Variants in SSBP3 observed in about 807,000 individuals in gnomAD.
SSBP3 encodes the protein single-stranded DNA-binding protein 3.
SSBP3 carries 5 observed loss-of-function variants against 69.6 expected under a neutral mutation model. The observed-to-expected ratio is 0.07, with a 90% CI of 0.04 to 0.15. The LOEUF (loss-of-function observed/expected upper bound fraction) is 0.15, where lower values mean the gene tolerates loss of function less well. Ranked by LOEUF, SSBP3 falls within the 10% of genes least tolerant of loss-of-function variation. SSBP3 has a pLI of 1.00. For synonymous variants in SSBP3, 196 were observed against 193.4 expected, an observed-to-expected ratio of 1.01 and a Z score of -0.11; for missense variants, 312 against 534.0, an observed-to-expected ratio of 0.58 and a Z score of 4.10.
Position 54,242,312 on chromosome 1 carries a change from G to C in SSBP3, c.717-100C>G, listed in dbSNP as rs1644653840. 3.5e-6 allele frequency: 5 copies of C among 1,410,844 alleles called. No homozygotes were observed. The South Asian group carries it at 3.6e-5, about 10-fold the overall frequency. The allele number at this position is 1,410,844 out of a possible 1,614,324, so 87.4% of individuals were successfully genotyped here. ...GAAGGAAAGGGCTGAAATCACAACA[G>C]GAAGTCCTTCCTACAGCCCTGCGGT... On this transcript the variant is annotated intron_variant, in intron 10 of 17. Coordinates refer to ENST00000610401, the Ensembl canonical transcript of SSBP3.
intron 4 of SSBP3, among the ~76,000 whole-genome samples, chr1:54,309,437 C>CAAA (rs1645959234): frequency 6.6e-6 from 1 of 152,228 alleles, no homozygotes; most frequent in Non-Finnish European, 1.5e-5. Flanking sequence ...CTCTGCGCAG[C>CAAA]AAAGGGAAAT....
At chr1:54,284,269 T>C (rs1424087149) in intron 4 of SSBP3, among the ~76,000 whole-genome samples, 3 of 152,024 alleles carry the variant, frequency 2.0e-5, no homozygotes, top group Non-Finnish European at 4.4e-5. Flanking sequence ...TAAATCTCAG[T>C]GTCTGCTAAT....
chr1:54,265,283 C>T (rs757518574), intron 5 of SSBP3, among the ~76,000 whole-genome samples: 30 of 152,202 alleles, frequency 2.0e-4, no homozygotes, highest in Non-Finnish European at 3.7e-4. Flanking sequence ...CTTGGCATGG[C>T]TTGGAGAGGG....
chr1:54,324,243 G>A (rs972861181), intron 4 of SSBP3, among the ~76,000 whole-genome samples: 2 of 152,190 alleles, frequency 1.3e-5, no homozygotes, highest in Admixed American at 6.5e-5. Context: ...TCTTTCGACA[G>A]TCTTCAGGGC....
chr1:54,341,862 A>AG (rs1557547503), intron 4 of SSBP3, among the ~76,000 whole-genome samples: 1 of 150,264 alleles, frequency 6.7e-6, no homozygotes, highest in Non-Finnish European at 1.5e-5. Flanking sequence ...GGAGAGAGAG[A>AG]GGGGGAGAGA....
chr1:54,370,562 A>G (rs1283904790), intron 4 of SSBP3, among the ~76,000 whole-genome samples: 1 of 152,134 alleles, frequency 6.6e-6, no homozygotes, highest in Non-Finnish European at 1.5e-5. Context: ...CATATACTGG[A>G]CACGTGACTT....
intron 4 of SSBP3, among the ~76,000 whole-genome samples, chr1:54,381,602 C>T (rs927489611): frequency 1.3e-5 from 2 of 152,212 alleles, no homozygotes; most frequent in African/African-American, 2.4e-5. Context: ...ACCCCCACCT[C>T]GGTGGGGCAC....
intron 4 of SSBP3, among the ~76,000 whole-genome samples, chr1:54,313,868 G>C (rs369749871): frequency 6.6e-6 from 1 of 152,046 alleles, no homozygotes; most frequent in Non-Finnish European, 1.5e-5. Flanking sequence ...CCAGGTTCAA[G>C]CGATTCTCCT....
Position 54,261,786 on chromosome 1 carries a change from A to G in SSBP3, c.367-3637T>C, listed in dbSNP as rs1304121548. On this transcript the variant is annotated intron_variant, in intron 5 of 17. Transcript: ENST00000610401. The stretch of plus-strand genomic sequence containing the variant: ...GATGCGGTGGATCAGGGCAGATGGC[A>G]CCCTGAAGGTGTGCAAAATATCAGG... Among the ~76,000 whole-genome samples the G allele has an allele frequency of 3.9e-5, 6 of 152,226 alleles. No individual in the cohort carries two copies. In the East Asian group the frequency reaches 1.2e-3, roughly 29 times the overall value.
At chr1:54,343,349 A>G (rs934010823) in intron 4 of SSBP3, among the ~76,000 whole-genome samples, 2 of 152,212 alleles carry the variant, frequency 1.3e-5, no homozygotes, top group South Asian at 4.1e-4. Context: ...CTCATCTGTG[A>G]ACAGGGGTGG....
chr1:54,243,752 G>C (rs978637105), intron 9 of SSBP3, among the ~76,000 whole-genome samples: 1 of 152,158 alleles, frequency 6.6e-6, no homozygotes, highest in Non-Finnish European at 1.5e-5. Context: ...AAGCCTGCCC[G>C]AGGCTGGTGC....
chr1:54,240,886 T>G lies in SSBP3; in HGVS notation c.856+19A>C, dbSNP rs1208686449. The stretch of plus-strand genomic sequence containing the variant: ...CCCTCCACCACCAGACCCCCCACTT[T>G]CCCCTCAAGCGCTCTTACCTGCGGG... On this transcript the variant is annotated intron_variant, in intron 13 of 17. Coordinates refer to ENST00000610401, the Ensembl canonical transcript of SSBP3. 6.2e-7 allele frequency: 1 copy of G among 1,612,382 alleles called. No homozygotes were observed. Among genetic ancestry groups the G allele is most frequent in the Non-Finnish European group, 8.5e-7 (1 of 1,179,192 alleles).
At chr1:54,351,319 T>A (rs1646777572) in intron 4 of SSBP3, among the ~76,000 whole-genome samples, 1 of 152,212 alleles carries the variant, frequency 6.6e-6, no homozygotes, top group Non-Finnish European at 1.5e-5. Context: ...ACACATAACT[T>A]CTTCTGTTCT....
intron 4 of SSBP3, among the ~76,000 whole-genome samples, chr1:54,332,532 C>G (rs2100461370): frequency 6.6e-6 from 1 of 152,300 alleles, no homozygotes; most frequent in African/African-American, 2.4e-5. Flanking sequence ...TTCCAAACCC[C>G]CCTGGCCCCA....
At chr1:54,309,586 G>C (rs936575555) in intron 4 of SSBP3, among the ~76,000 whole-genome samples, 1 of 152,208 alleles carries the variant, frequency 6.6e-6, no homozygotes, top group Non-Finnish European at 1.5e-5. Context: ...ACGCCAGGCA[G>C]TCAGAAAGTT....
upstream of SSBP3, among the ~76,000 whole-genome samples, chr1:54,408,231 G>A (rs746678027): frequency 1.3e-5 from 2 of 152,162 alleles, no homozygotes; most frequent in African/African-American, 2.4e-5. Flanking sequence ...AGGTTGTTTC[G>A]TGAATGAGGG....
At chr1:54,274,845 C>T (rs1246241415) in intron 5 of SSBP3, among the ~76,000 whole-genome samples, 2 of 152,112 alleles carry the variant, frequency 1.3e-5, no homozygotes, top group Non-Finnish European at 2.9e-5. Flanking sequence ...ATCCCCACAC[C>T]CCAGCCTGCA....
At chr1:54,240,069 T>C (rs1040378615) in intron 13 of SSBP3, among the ~76,000 whole-genome samples, 17 of 25,602 alleles carry the variant, frequency 6.6e-4, no homozygotes, top group South Asian at 6.3e-3. Context: ...TGTGTGTGTG[T>C]GTGTGTGTGT....
At chr1:54,316,156 A>AACAAG in intron 4 of SSBP3, among the ~76,000 whole-genome samples, 1 of 150,858 alleles carries the variant, frequency 6.6e-6, no homozygotes, top group African/African-American at 2.4e-5. Context: ...CATCCTGGCT[A>AACAAG]GCACACAGTG....
Sources: allele counts gnomAD v4.1 joint callset (sites outside exome capture counted in the v4.1 genomes callset), GRCh38; gene constraint gnomAD v4.1.1; transcripts MANE v1.5; gene names NCBI Gene and HGNC (gene_info 2026-07-23, HGNC 2026-07-21).